The following TTC36 variants were observed in gnomAD, a reference collection of about 807,000 sequenced individuals.
The protein encoded by TTC36 is tetratricopeptide repeat domain 36.
A neutral mutation model predicts 17.5 loss-of-function variants in TTC36; 15 were observed. That is an observed-to-expected ratio of 0.86 (90% confidence interval 0.57 to 1.32). The LOEUF (loss-of-function observed/expected upper bound fraction) is 1.32. Ranked by LOEUF, TTC36 falls within the 40% of genes most tolerant of loss-of-function variation. The pLI is 0.00. For synonymous variants in TTC36, 112 were observed against 109.8 expected (o/e 1.02, Z -0.13); for missense variants, 292 against 260.9 (o/e 1.12, Z -0.82).
rs1555056483 is a variant in TTC36, at chr11:118,528,746, TACA to T, written c.268_270del (p.Asn90del). ...CCTGCTGCCTGAGAGGGCTTCAGCC[TACA>T]ACAACCGTGCCCAGGCCCGGCGACT... On this transcript the variant is annotated inframe_deletion, in exon 2 of 3. Transcript: ENST00000302783. The T allele has an allele frequency of 6.2e-7, 1 of 1,612,750 alleles. No individual in the cohort carries two copies. Among genetic ancestry groups the T allele is most frequent in the Non-Finnish European group, 8.5e-7 (1 of 1,179,582 alleles).
rs190244791 is a variant in TTC36, at chr11:118,528,461, C to T, written c.119-142C>T. 1,123 of 777,886 alleles carry T rather than the reference C, an allele frequency of 1.4e-3. 4 individuals carry two copies. Among genetic ancestry groups the T allele is most frequent in the Non-Finnish European group, 2.0e-3 (1,037 of 509,078 alleles). 48.2% of individuals were successfully genotyped at this position (777,886 alleles called of 1,614,324 possible). A position where few individuals can be genotyped will look rare whatever the true frequency, so the allele number is the denominator to read the frequency against. Reference sequence around the variant, plus strand: ...CCTTAGTGACCTCATCTCCCCCTACCCCAAACACTGCAACTGACCCCTGCT... The same window carrying T: ...CCTTAGTGACCTCATCTCCCCCTACTCCAAACACTGCAACTGACCCCTGCT... On this transcript the variant is annotated intron_variant, in intron 1 of 2. Coordinates refer to ENST00000302783, the MANE Select transcript of TTC36 (RefSeq NM_001080441.4).
Position 118,530,250 on chromosome 11 carries a change from C to T in TTC36, c.308-404C>T, listed in dbSNP as rs148642919. 1.8e-3 allele frequency among the ~76,000 whole-genome samples: 278 copies of T among 152,364 alleles called. 1 individual carries two copies. Among genetic ancestry groups the T allele is most frequent in the African/African-American group, 6.5e-3 (272 of 41,582 alleles). On this transcript the variant is annotated intron_variant, in intron 2 of 2. Transcript: ENST00000302783. This position sits in a 1 kb window ranked among gnomAD's most constrained non-coding sequence, Gnocchi z 5.8. ...AACCCTGACATTCAGAGTCAGTCAC[C>T]TGGCACATAGTGGATGCTTAATAAC...
chr11:118,530,861 A>C lies in TTC36; in HGVS notation c.515A>C (p.Asn172Thr). The C allele has an allele frequency of 1.3e-6, 2 of 1,509,962 alleles. No homozygotes were observed. The highest frequency in any genetic ancestry group is 1.8e-6 in the Non-Finnish European group (2 of 1,136,700). The allele number at this position is 1,509,962 out of a possible 1,614,324, so 93.5% of individuals were successfully genotyped here. The change falls in exon 3 of 3, where the codon AAC becomes ACC. Residue 172 changes from asparagine to threonine, a missense_variant. Coordinates refer to ENST00000302783, the MANE Select transcript of TTC36 (RefSeq NM_001080441.4). This position sits in a 1 kb window ranked among gnomAD's most constrained non-coding sequence, Gnocchi z 5.8. ...VLLNPYAALCNRMLADMMGQL... is the reference protein window; with the variant it reads ...VLLNPYAALCTRMLADMMGQL... ...CTCAACCCCTACGCCGCGCTGTGCA[A>C]CCGCATGCTGGCCGACATGATGGGG...
At position 118,530,443 on chromosome 11, in the gene TTC36, T is replaced by C. The variant is rs1414810261; in HGVS notation, c.308-211T>C. ...GTCCCAGCTCTGCCACTAAGTGGCTTGGCTGTAGAGCTTAACTCTTCCACA... is the reference window on the plus strand; with the variant it reads ...GTCCCAGCTCTGCCACTAAGTGGCTCGGCTGTAGAGCTTAACTCTTCCACA... On this transcript the variant is annotated intron_variant, in intron 2 of 2. Transcript: ENST00000302783. This position sits in a 1 kb window ranked among gnomAD's most constrained non-coding sequence, Gnocchi z 5.8. The C allele has an allele frequency of 1.9e-6, 1 of 513,228 alleles. No individual in the cohort carries two copies. Among genetic ancestry groups the C allele is most frequent in the African/African-American group, 2.0e-5 (1 of 49,510 alleles). 31.8% of individuals were successfully genotyped at this position (513,228 alleles called of 1,614,324 possible).
At position 118,530,596 on chromosome 11, in the gene TTC36, G is replaced by A. The variant is rs1951197085; in HGVS notation, c.308-58G>A. The A allele has an allele frequency of 3.7e-6, 5 of 1,365,848 alleles. No individual in the cohort carries two copies. Among genetic ancestry groups the A allele is most frequent in the Non-Finnish European group, 4.7e-6 (5 of 1,071,410 alleles). 84.6% of individuals were successfully genotyped at this position (1,365,848 alleles called of 1,614,324 possible). A position where few individuals can be genotyped will look rare whatever the true frequency, so the allele number is the denominator to read the frequency against. On this transcript the variant is annotated intron_variant, in intron 2 of 2. Coordinates refer to ENST00000302783, the MANE Select transcript of TTC36 (RefSeq NM_001080441.4). This position sits in a 1 kb window ranked among gnomAD's most constrained non-coding sequence, Gnocchi z 5.8. ...GCGGCCGCAGGTGGGCTGGGGCTCG[G>A]GCAAGGCCGCCCTGGCCTCCGCTGA...
intron 1 of TTC36, chr11:118,527,990 T>C (rs544969185): frequency 2.1e-4 from 98 of 462,552 alleles, no homozygotes; most frequent in African/African-American, 1.8e-3. Context: ...GTGGTTCCAA[T>C]ATAGCAAGCA....
intron 1 of TTC36, 38 bp downstream of exon 1, chr11:118,527,650 C>CCAGCAGGCCAGCCTA: frequency 6.9e-7 from 1 of 1,451,084 alleles, no homozygotes; most frequent in Non-Finnish European, 9.7e-7. Context: ...TGCACATAGG[C>CCAGCAGGCCAGCCTA]TGGCCTGCTG....
chr11:118,530,561 G>A lies in TTC36; in HGVS notation c.308-93G>A. The A allele has an allele frequency of 1.5e-6, 2 of 1,324,064 alleles. No individual in the cohort carries two copies. The highest frequency in any genetic ancestry group is 1.9e-6 in the Non-Finnish European group (2 of 1,040,246). 82.0% of individuals were successfully genotyped at this position (1,324,064 alleles called of 1,614,324 possible). On this transcript the variant is annotated intron_variant, in intron 2 of 2. Transcript: ENST00000302783. The surrounding 1 kb of genome is among the most constrained non-coding windows in gnomAD (Gnocchi z 5.8). ...CACGCCCGGGAGCCGCAAGAACCAC[G>A]GTGATCCGCGCGGCCGCAGGTGGGC...
At chr11:118,528,912 TA>T in intron 2 of TTC36, 121 bp downstream of exon 2, 18 of 878,244 alleles carry the variant, frequency 2.0e-5, no homozygotes, top group Non-Finnish European at 2.8e-5. Context: ...TCTTCTTACC[TA>T]TAAGGTAGGA....
At position 118,530,891 on chromosome 11, in the gene TTC36, T is replaced by G; in HGVS notation, c.545T>G (p.Leu182Arg). The G allele has an allele frequency of 6.0e-6, 9 of 1,504,608 alleles. No homozygotes were observed. The highest frequency in any genetic ancestry group is 7.9e-6 in the Non-Finnish European group (9 of 1,134,130). The allele number at this position is 1,504,608 out of a possible 1,614,324, so 93.2% of individuals were successfully genotyped here. A position where few individuals can be genotyped will look rare whatever the true frequency, so the allele number is the denominator to read the frequency against. Residue 182 changes from leucine (L) to arginine (R), a missense_variant, in exon 3 of 3, where the codon CTG becomes CGG. Leu to Arg is a moderately radical substitution (Grantham distance 102, BLOSUM62 -2). Transcript: ENST00000302783. The surrounding 1 kb of genome is among the most constrained non-coding windows in gnomAD (Gnocchi z 5.8). The part of the protein sequence containing the change: ...NRMLADMMGQ[L>R]RRPRDSR ...ATGCTGGCCGACATGATGGGGCAGC[T>G]GCGCCGCCCCCGTGACAGCCGCTGA...
chr11:118,529,990 G>T (rs1951175724), intron 2 of TTC36, among the ~76,000 whole-genome samples: 1 of 152,168 alleles, frequency 6.6e-6, no homozygotes, highest in Admixed American at 6.5e-5. Context: ...AGTATTTTAT[G>T]AGAATAATAA....
At position 118,530,799 on chromosome 11, in the gene TTC36, G is replaced by T. The variant is rs1555057440; in HGVS notation, c.453G>T (p.Arg151=). The change falls in exon 3 of 3, where the codon CGG becomes CGT. Residue 151 remains arginine (R), a synonymous_variant. Coordinates refer to ENST00000302783, the MANE Select transcript of TTC36 (RefSeq NM_001080441.4). This position sits in a 1 kb window ranked among gnomAD's most constrained non-coding sequence, Gnocchi z 5.8. ...GCAGGGACTTCGAGAGGGCGGCACGGCTGGGCAGCCCCTTCGCGCGGCGCC... is the reference window on the plus strand; with the variant it reads ...GCAGGGACTTCGAGAGGGCGGCACGTCTGGGCAGCCCCTTCGCGCGGCGCC... ...DARRDFERAA[R]LGSPFARRQL... 1 of 1,505,292 alleles carries T rather than the reference G, an allele frequency of 6.6e-7. No homozygotes were observed. Among genetic ancestry groups the T allele is most frequent in the South Asian group, 1.2e-5 (1 of 80,818 alleles). The allele number at this position is 1,505,292 out of a possible 1,614,324, so 93.2% of individuals were successfully genotyped here.
At chr11:118,529,218 G>A (rs1486945727) in intron 2 of TTC36, among the ~76,000 whole-genome samples, 1 of 152,218 alleles carries the variant, frequency 6.6e-6, no homozygotes, top group Non-Finnish European at 1.5e-5. Flanking sequence ...AAGAGGCTAA[G>A]TAACTTGCCC....
At chr11:118,528,502 T>C in intron 1 of TTC36, 101 bp from the exon 2 acceptor site, 1 of 1,266,704 alleles carries the variant, frequency 7.9e-7, no homozygotes, top group South Asian at 1.7e-5. Context: ...CCATACCCAG[T>C]CAGCTCTGGC....
rs1038788652 is a variant in TTC36, at chr11:118,530,616, C to T, written c.308-38C>T. The stretch of plus-strand genomic sequence containing the variant: ...GCTCGGGCAAGGCCGCCCTGGCCTC[C>T]GCTGACCCCCGCCCCGCCCGTCTCG... On this transcript the variant is annotated intron_variant, in intron 2 of 2. Transcript: ENST00000302783. This position sits in a 1 kb window ranked among gnomAD's most constrained non-coding sequence, Gnocchi z 5.8. 3.0e-5 allele frequency: 42 copies of T among 1,388,198 alleles called. No individual in the cohort carries two copies. The highest frequency in any genetic ancestry group is 2.6e-4 in the Middle Eastern group (1 of 3,798). 86.0% of individuals were successfully genotyped at this position (1,388,198 alleles called of 1,614,324 possible). A position where few individuals can be genotyped will look rare whatever the true frequency, so the allele number is the denominator to read the frequency against.
chr11:118,529,729 G>A (rs552396192), intron 2 of TTC36, among the ~76,000 whole-genome samples: 102 of 152,334 alleles, frequency 6.7e-4, no homozygotes, highest in African/African-American at 2.4e-3. Context: ...CAGATCACTG[G>A]AGACAGCCTG....
chr11:118,527,484 A>C lies in TTC36; in HGVS notation c.-11A>C. The C allele has an allele frequency of 6.2e-7, 1 of 1,604,732 alleles. No homozygotes were observed. The highest frequency in any genetic ancestry group is 8.5e-7 in the Non-Finnish European group (1 of 1,171,638). ...CTGGAGTCACCTTTTGGGATTTTGG[A>C]GTTGAGCACCATGGGGACTCCAAAT... On this transcript the variant is annotated 5_prime_UTR_variant, in exon 1 of 3. Transcript: ENST00000302783.
At chr11:118,529,189 A>T (rs185069029) in intron 2 of TTC36, among the ~76,000 whole-genome samples, 73 of 152,326 alleles carry the variant, frequency 4.8e-4, no homozygotes, top group African/African-American at 1.7e-3. Context: ...CAGTTTATAG[A>T]TGAAGAAACT....
At position 118,530,906 on chromosome 11, in the gene TTC36, A is replaced by G. The variant is rs1555057566; in HGVS notation, c.560A>G (p.Asp187Gly). Residue 187 changes from aspartate (D) to glycine (G), a missense_variant, in exon 3 of 3, where the codon GAC (aspartate) becomes GGC (glycine). Physicochemically the swap from Asp to Gly is moderately conservative, Grantham distance 94. Coordinates refer to ENST00000302783, the MANE Select transcript of TTC36 (RefSeq NM_001080441.4). This position sits in a 1 kb window ranked among gnomAD's most constrained non-coding sequence, Gnocchi z 5.8. ...ATGGGGCAGCTGCGCCGCCCCCGTG[A>G]CAGCCGCTGAGCGCCGCGGACCCGG... ...DMMGQLRRPR[D>G]SR The G allele has an allele frequency of 6.7e-7, 1 of 1,502,038 alleles. No individual in the cohort carries two copies. The highest frequency in any genetic ancestry group is 8.8e-7 in the Non-Finnish European group (1 of 1,133,064). The allele number at this position is 1,502,038 out of a possible 1,614,324, so 93.0% of individuals were successfully genotyped here.
Sources: gnomAD v4.1 joint callset for allele counts (sites outside exome capture counted in the v4.1 genomes callset) on GRCh38, gnomAD v4.1.1 for gene constraint, Gnocchi (gnomAD v3.1) non-coding constraint, MANE v1.5 for transcripts, NCBI Gene and HGNC (gene_info 2026-07-23, HGNC 2026-07-21) for gene names.